Variants in ROBO1 observed in about 807,000 individuals in gnomAD.
ROBO1 encodes the protein roundabout guidance receptor 1.
Under a neutral mutation model 195.9 loss-of-function variants are expected in ROBO1, and 149 were observed. The observed-to-expected ratio is 0.76, with a 90% CI of 0.67 to 0.87. ROBO1 has a LOEUF of 0.87. ROBO1 is among the 40% of genes least tolerant of loss of function. The probability of loss-of-function intolerance (pLI) is 0.00; values close to 1 mark genes in which losing one functional copy is unlikely to be tolerated. For synonymous variants in ROBO1, 816 were observed against 733.2 expected (o/e 1.11, Z -1.82); for missense variants, 1,933 against 2,068.3 (o/e 0.93, Z 1.27).
intron 1 of ROBO1, among the ~76,000 whole-genome samples, chr3:79,675,409 T>C (rs1660418517): frequency 6.6e-6 from 1 of 151,998 alleles, no homozygotes; most frequent in African/African-American, 2.4e-5. Flanking sequence ...AATTCATAGA[T>C]GATAAAGATG....
At chr3:78,702,335 T>G (rs77513385) in intron 8 of ROBO1, among the ~76,000 whole-genome samples, 4,863 of 152,300 alleles carry the variant, frequency 0.032, 131 homozygotes, top group African/African-American at 0.074. Flanking sequence ...TCTTGTGTAT[T>G]TAGTTTACTC....
At chr3:79,555,108 T>C (rs1942651916) in intron 2 of ROBO1, among the ~76,000 whole-genome samples, 1 of 152,006 alleles carries the variant, frequency 6.6e-6, no homozygotes, top group South Asian at 2.1e-4. Context: ...AGTCATATGG[T>C]TTCATGAGGA....
chr3:78,611,431 C>T (rs1345318850), intron 28 of ROBO1, among the ~76,000 whole-genome samples: 1 of 152,188 alleles, frequency 6.6e-6, no homozygotes, highest in African/African-American at 2.4e-5. Flanking sequence ...CTCAATAAGA[C>T]TCTGGCTAAT....
chr3:78,599,898 C>T, intron 30 of ROBO1: 2 of 586,668 alleles, frequency 3.4e-6, no homozygotes, highest in South Asian at 4.0e-5. Context: ...TAAACCCTAG[C>T]TAAACAAATA....
At chr3:79,665,081 G>A (rs1946437510) in intron 1 of ROBO1, among the ~76,000 whole-genome samples, 1 of 151,798 alleles carries the variant, frequency 6.6e-6, no homozygotes, top group Non-Finnish European at 1.5e-5. Context: ...CCTTTCTTTA[G>A]AGATATAATT....
At chr3:79,530,889 C>T (rs544502640) in intron 2 of ROBO1, among the ~76,000 whole-genome samples, 4 of 151,704 alleles carry the variant, frequency 2.6e-5, no homozygotes, top group East Asian at 2.0e-4. Context: ...ATGATCTGTC[C>T]CCAGTTATTC....
chr3:78,636,775 A>G (rs1209247513), intron 22 of ROBO1, among the ~76,000 whole-genome samples: 2 of 151,420 alleles, frequency 1.3e-5, no homozygotes, highest in Admixed American at 1.3e-4. Context: ...TGACAATAAT[A>G]ATAATAACAA....
intron 4 of ROBO1, among the ~76,000 whole-genome samples, chr3:78,911,948 A>G (rs1039268771): frequency 1.3e-5 from 2 of 152,118 alleles, no homozygotes; most frequent in South Asian, 4.1e-4. Flanking sequence ...GAAATGAAAC[A>G]TACTGTAGTT....
At chr3:79,109,635 C>A (rs1053220168) in intron 3 of ROBO1, among the ~76,000 whole-genome samples, 1 of 151,908 alleles carries the variant, frequency 6.6e-6, no homozygotes, top group Non-Finnish European at 1.5e-5. Context: ...AAATCTAAAG[C>A]GTTACACTTA....
At chr3:79,606,244 C>G (rs555667148) in intron 1 of ROBO1, among the ~76,000 whole-genome samples, 52 of 151,906 alleles carry the variant, frequency 3.4e-4, no homozygotes, top group African/African-American at 1.2e-3. Flanking sequence ...ATCTAATGTA[C>G]AACACGAGGA....
chr3:79,719,949 G>A (rs913413104), intron 1 of ROBO1, among the ~76,000 whole-genome samples: 2 of 152,164 alleles, frequency 1.3e-5, no homozygotes, highest in Non-Finnish European at 2.9e-5. Context: ...TGGTAGTTGG[G>A]TAAAGACTAG....
At chr3:79,705,365 C>T (rs543457510) in intron 1 of ROBO1, among the ~76,000 whole-genome samples, 85 of 130,922 alleles carry the variant, frequency 6.5e-4, no homozygotes, top group African/African-American at 2.3e-3. Flanking sequence ...TGTACAGTCT[C>T]TGTCTAGATT....
chr3:79,301,902 C>T (rs1247916600), intron 2 of ROBO1, among the ~76,000 whole-genome samples: 1 of 152,056 alleles, frequency 6.6e-6, no homozygotes, highest in East Asian at 1.9e-4. Flanking sequence ...TGCTAGTATA[C>T]AATCATAGTG....
chr3:78,859,586 C>T (rs1163301469), intron 4 of ROBO1, among the ~76,000 whole-genome samples: 2 of 152,064 alleles, frequency 1.3e-5, no homozygotes, highest in Non-Finnish European at 2.9e-5. Context: ...GGTCAGCCAA[C>T]TGAAAGGCCA....
intron 1 of ROBO1, among the ~76,000 whole-genome samples, chr3:79,635,892 G>T (rs920756761): frequency 5.9e-5 from 9 of 152,102 alleles, no homozygotes; most frequent in Non-Finnish European, 7.4e-5. Context: ...AATGTTAATT[G>T]AGATACAATA....
At chr3:79,489,003 G>A (rs1939306257) in intron 2 of ROBO1, among the ~76,000 whole-genome samples, 1 of 151,768 alleles carries the variant, frequency 6.6e-6, no homozygotes, top group South Asian at 2.1e-4. Context: ...AAAAACAAAT[G>A]ACCAAACATT....
intron 2 of ROBO1, among the ~76,000 whole-genome samples, chr3:79,485,399 C>G (rs139699385): frequency 6.6e-6 from 1 of 151,492 alleles, no homozygotes; most frequent in South Asian, 2.1e-4. Flanking sequence ...TATATGAAAA[C>G]GGAATAAGTA....
intron 4 of ROBO1, among the ~76,000 whole-genome samples, chr3:78,754,666 G>A (rs932271742): frequency 3.3e-5 from 5 of 152,066 alleles, no homozygotes; most frequent in African/African-American, 1.2e-4. Flanking sequence ...TTGCATTGGC[G>A]GGAGTTCTAT....
intron 3 of ROBO1, among the ~76,000 whole-genome samples, chr3:78,990,356 T>G (rs1559564760): frequency 6.6e-6 from 1 of 152,136 alleles, no homozygotes; most frequent in South Asian, 2.1e-4. Flanking sequence ...CTGCCAAAAG[T>G]TTGCCACCCG....
Sources: gnomAD v4.1 joint callset for allele counts (sites outside exome capture counted in the v4.1 genomes callset) on GRCh38, gnomAD v4.1.1 for gene constraint, MANE v1.5 for transcripts, NCBI Gene and HGNC (gene_info 2026-07-23, HGNC 2026-07-21) for gene names.